LRP1B: variants seen among roughly 807,000 people sequenced by gnomAD.
The protein encoded by LRP1B is LDL receptor related protein 1B.
A neutral mutation model predicts 556.6 loss-of-function variants in LRP1B; 217 were observed. The ratio of observed to expected loss-of-function variants is 0.39; its 90% CI spans 0.35 to 0.44. LRP1B has a LOEUF of 0.44. Ranked by LOEUF, LRP1B falls within the 20% of genes least tolerant of loss-of-function variation. LRP1B has a pLI of 1.00. For synonymous variants in LRP1B, 2,047 were observed against 1,865.8 expected, an observed-to-expected ratio of 1.10 and a Z score of -2.50; for missense variants, 5,053 against 5,620.8, an observed-to-expected ratio of 0.90 and a Z score of 3.23.
At chr2:140,471,061 CAAG>C (rs1228684149) in intron 60 of LRP1B, among the ~76,000 whole-genome samples, 1 of 152,096 alleles carries the variant, frequency 6.6e-6, no homozygotes, top group Non-Finnish European at 1.5e-5. Context: ...TATGGACCTA[CAAG>C]AAGAATATTT....
At chr2:140,695,048 ATCATTT>A (rs1686379471) in intron 41 of LRP1B, among the ~76,000 whole-genome samples, 1 of 149,928 alleles carries the variant, frequency 6.7e-6, no homozygotes, top group Non-Finnish European at 1.5e-5. Context: ...AGATTCTCCT[ATCATTT>A]TCATTTTCAT....
intron 1 of LRP1B, among the ~76,000 whole-genome samples, chr2:142,085,788 G>C (rs998830110): frequency 6.6e-6 from 1 of 152,160 alleles, no homozygotes; most frequent in African/African-American, 2.4e-5. Context: ...AGTTGTATCT[G>C]AGTGTGGTTT....
chr2:142,042,139 C>A (rs1182085270), intron 1 of LRP1B, among the ~76,000 whole-genome samples: 2 of 151,376 alleles, frequency 1.3e-5, no homozygotes, highest in African/African-American at 4.8e-5. Flanking sequence ...AAATAAACGA[C>A]TTTGGCCTTA....
intron 12 of LRP1B, 60 bp downstream of exon 12, chr2:141,019,862 T>G: frequency 7.9e-7 from 1 of 1,266,270 alleles, no homozygotes; most frequent in Non-Finnish European, 1.1e-6. Context: ...ATTAACTATG[T>G]AAGAAACAAA....
intron 86 of LRP1B, among the ~76,000 whole-genome samples, chr2:140,268,914 A>G (rs895326028): frequency 1.3e-5 from 2 of 152,010 alleles, no homozygotes; most frequent in African/African-American, 2.4e-5. Flanking sequence ...GCTTGAAATC[A>G]AAAGTCAGTT....
At chr2:141,261,921 G>GA (rs1261205428) in intron 3 of LRP1B, among the ~76,000 whole-genome samples, 1 of 152,140 alleles carries the variant, frequency 6.6e-6, no homozygotes, top group African/African-American at 2.4e-5. Flanking sequence ...TCTGGGTTAT[G>GA]TGGTAAGTGG....
intron 3 of LRP1B, among the ~76,000 whole-genome samples, chr2:141,414,224 T>C (rs867060425): frequency 7.9e-4 from 83 of 105,668 alleles, no homozygotes; most frequent in Middle Eastern, 6.8e-3. Flanking sequence ...GCGACAAGAG[T>C]GAGACTCTAT....
intron 2 of LRP1B, among the ~76,000 whole-genome samples, chr2:141,501,145 T>C (rs1278907690): frequency 6.6e-6 from 1 of 152,196 alleles, no homozygotes; most frequent in Non-Finnish European, 1.5e-5. Context: ...CCTTTATTTA[T>C]AGAGAAGTAT....
chr2:141,624,044 A>AAAAAAAAT (rs1219833459), intron 2 of LRP1B, among the ~76,000 whole-genome samples: 1 of 149,132 alleles, frequency 6.7e-6, no homozygotes, highest in Non-Finnish European at 1.5e-5. Flanking sequence ...AACAAAAAAA[A>AAAAAAAAT]AAAGAAAAGA....
At chr2:141,508,746 T>C (rs896618993) in intron 2 of LRP1B, among the ~76,000 whole-genome samples, 10 of 152,148 alleles carry the variant, frequency 6.6e-5, no homozygotes, top group African/African-American at 2.2e-4. Flanking sequence ...AAAAGATAAC[T>C]GAACACCTTG....
At chr2:140,784,376 C>CCACACACA (rs143661527) in intron 32 of LRP1B, among the ~76,000 whole-genome samples, 13,242 of 126,458 alleles carry the variant, frequency 0.1, 817 homozygotes, top group East Asian at 0.16. Flanking sequence ...GATTCTGCCT[C>CCACACACA]CACACACACA....
intron 25 of LRP1B, among the ~76,000 whole-genome samples, chr2:140,874,684 A>T (rs1312425620): frequency 4.0e-5 from 6 of 151,782 alleles, no homozygotes; most frequent in Admixed American, 3.3e-4. Flanking sequence ...CTTTTAAAGT[A>T]CTTGTGATAT....
At chr2:140,422,927 A>C (rs912275671) in intron 66 of LRP1B, among the ~76,000 whole-genome samples, 1 of 152,214 alleles carries the variant, frequency 6.6e-6, no homozygotes, top group Non-Finnish European at 1.5e-5. Flanking sequence ...AATGCATTCC[A>C]TGTTAATTCA....
chr2:140,529,116 T>TTTTCACTC (rs935067416), intron 47 of LRP1B, among the ~76,000 whole-genome samples: 3 of 151,970 alleles, frequency 2.0e-5, no homozygotes, highest in African/African-American at 7.2e-5. Flanking sequence ...AAAGTAAGCT[T>TTTTCACTC]ATGAAACATG....
chr2:141,920,621 A>G (rs1700160954), intron 1 of LRP1B, among the ~76,000 whole-genome samples: 1 of 151,974 alleles, frequency 6.6e-6, no homozygotes, highest in African/African-American at 2.4e-5. Flanking sequence ...TTACATGAAA[A>G]CTAATTTCCA....
At chr2:140,316,190 A>T (rs1015840543) in intron 82 of LRP1B, among the ~76,000 whole-genome samples, 1 of 152,142 alleles carries the variant, frequency 6.6e-6, no homozygotes, top group Non-Finnish European at 1.5e-5. Flanking sequence ...AACAAAACTG[A>T]TTGAGAAAGT....
chr2:140,700,062 A>G (rs1686576568), intron 41 of LRP1B, among the ~76,000 whole-genome samples, 188 bp downstream of exon 41: 1 of 134,444 alleles, frequency 7.4e-6, no homozygotes, highest in South Asian at 2.5e-4. Flanking sequence ...TGTACATGCT[A>G]GCAATTAATT....
intron 2 of LRP1B, among the ~76,000 whole-genome samples, chr2:141,774,902 T>C (rs1291479696): frequency 1.3e-5 from 2 of 152,200 alleles, no homozygotes; most frequent in African/African-American, 2.4e-5. Context: ...TTGATTCTCT[T>C]CCATTCTCTT....
chr2:141,335,804 T>G (rs114278827), intron 3 of LRP1B, among the ~76,000 whole-genome samples: 178 of 152,256 alleles, frequency 1.2e-3, no homozygotes, highest in African/African-American at 4.1e-3. Context: ...AAAAGAGAGA[T>G]AAACATGCGT....
Sources: gnomAD v4.1 joint callset for allele counts (sites outside exome capture counted in the v4.1 genomes callset) on GRCh38, gnomAD v4.1.1 for gene constraint, MANE v1.5 for transcripts, NCBI Gene and HGNC (gene_info 2026-07-23, HGNC 2026-07-21) for gene names.